ZNF326: variants seen among roughly 807,000 people sequenced by gnomAD.
ZNF326 encodes the protein zinc finger protein 326, also known as DBIRD complex subunit ZNF326.
A neutral mutation model predicts 63.1 loss-of-function variants in ZNF326; 30 were observed. The ratio of observed to expected loss-of-function variants is 0.48; its 90% CI spans 0.36 to 0.64. The LOEUF is 0.64. ZNF326 is among the 30% of genes least tolerant of loss of function. The pLI is 0.00. For synonymous variants in ZNF326, 194 were observed against 228.2 expected (o/e 0.85, Z 1.35); for missense variants, 609 against 720.3 (o/e 0.85, Z 1.77).
chr1:90,002,916 T>C (rs1433009879), intron 2 of ZNF326, among the ~76,000 whole-genome samples: 3 of 152,186 alleles, frequency 2.0e-5, no homozygotes, highest in Non-Finnish European at 2.9e-5. Context: ...TTTCCAAATA[T>C]TGATCAGTTT....
chr1:90,004,798 CT>C lies in ZNF326; in HGVS notation c.62-184del, dbSNP rs34878438. On this transcript the variant is annotated intron_variant, in intron 2 of 11. Transcript: ENST00000340281. ...TATGTTTTTCTTTGAAATATCAGGG[CT>C]TTTTTTTTTTTTTTTTTTTTAGCAA... is the stretch of plus-strand genomic sequence containing the variant. Among the ~76,000 whole-genome samples, 657 of 68,094 alleles carry C rather than the reference CT, an allele frequency of 9.6e-3. 7 individuals are homozygous for C. Among genetic ancestry groups the C allele is most frequent in the African/African-American group, 0.036 (609 of 16,924 alleles). The allele number at this position is 68,094 out of a possible 152,430, so 44.7% of individuals were successfully genotyped here.
intron 2 of ZNF326, among the ~76,000 whole-genome samples, chr1:90,003,532 G>T (rs921592515): frequency 6.6e-6 from 1 of 152,176 alleles, no homozygotes; most frequent in Non-Finnish European, 1.5e-5. Flanking sequence ...CAAGCACCAC[G>T]TGAGAGTTAC....
intron 1 of ZNF326, among the ~76,000 whole-genome samples, chr1:89,996,705 C>T (rs1648394119): frequency 6.6e-6 from 1 of 151,440 alleles, no homozygotes. Flanking sequence ...TGCCATTGCA[C>T]TCTAGCCTGG....
At chr1:90,011,095 A>C (rs991469940) in intron 6 of ZNF326, among the ~76,000 whole-genome samples, 1 of 152,154 alleles carries the variant, frequency 6.6e-6, no homozygotes. Context: ...AATATTGCAA[A>C]AGTTTGATAA....
At chr1:90,014,869 G>A (rs1041017920) in intron 7 of ZNF326, among the ~76,000 whole-genome samples, 29 of 152,076 alleles carry the variant, frequency 1.9e-4, no homozygotes, top group African/African-American at 6.5e-4. Context: ...GTCTTGGAGT[G>A]TAAAAATCAT....
In ZNF326 at chr1:90,013,125, G is replaced by T; in HGVS notation, c.815-1G>T. 6.2e-7 allele frequency: 1 copy of T among 1,606,810 alleles called. No individual in the cohort carries two copies. Among genetic ancestry groups the T allele is most frequent in the Non-Finnish European group, 8.5e-7 (1 of 1,177,844 alleles). ...TTTTACTTTTTTGTGTAATATCCTA[G>T]CAAAAACTGATCCTAAAAATGAAGA... On this transcript the variant is annotated splice_acceptor_variant, in intron 6 of 11. Transcript: ENST00000340281. LOFTEE classifies it high-confidence loss of function.
At chr1:90,009,013 G>A (rs1570302704) in intron 5 of ZNF326, among the ~76,000 whole-genome samples, 1 of 152,104 alleles carries the variant, frequency 6.6e-6, no homozygotes, top group Admixed American at 6.5e-5. Context: ...TAGGCTTTGG[G>A]TTTTGAATTG....
chr1:90,017,252 T>G lies in ZNF326; in HGVS notation c.927-65T>G, dbSNP rs552505786. 7 of 1,145,256 alleles carry G rather than the reference T, an allele frequency of 6.1e-6. No individual in the cohort carries two copies. In the South Asian group the frequency reaches 1.2e-4, roughly 19 times the overall value. The allele number at this position is 1,145,256 out of a possible 1,614,324, so 70.9% of individuals were successfully genotyped here. ...TGGTAAAATTAGTTTCAATGTTATA[T>G]TCTTATGAACTCTTTATAGTTGAAT... On this transcript the variant is annotated intron_variant, in intron 7 of 11. Coordinates refer to ENST00000340281, the MANE Select transcript of ZNF326 (RefSeq NM_182976.4).
intron 2 of ZNF326, among the ~76,000 whole-genome samples, chr1:90,001,295 G>T (rs1298238696): frequency 6.6e-6 from 1 of 152,246 alleles, no homozygotes; most frequent in East Asian, 1.9e-4. Flanking sequence ...GGAATAAGAG[G>T]AACCCATTGG....
At chr1:89,999,971 C>T (rs769380895) in intron 2 of ZNF326, among the ~76,000 whole-genome samples, 5 of 151,994 alleles carry the variant, frequency 3.3e-5, no homozygotes, top group African/African-American at 9.7e-5. Context: ...ATAATTTAGT[C>T]CACAGGGGAA....
At chr1:90,020,667 C>T in intron 9 of ZNF326, 125 bp from the exon 10 acceptor site, 2 of 851,754 alleles carry the variant, frequency 2.3e-6, no homozygotes, top group Admixed American at 5.3e-5. Context: ...CAGCATAAAC[C>T]TATGCACTCT....
chr1:90,024,875 C>G (rs905786481), intron 11 of ZNF326, among the ~76,000 whole-genome samples: 2 of 151,976 alleles, frequency 1.3e-5, no homozygotes, highest in Admixed American at 1.3e-4. Flanking sequence ...TTAGATATAT[C>G]TTTCCTTCAC....
chr1:90,000,261 G>A (rs947346464), intron 2 of ZNF326, among the ~76,000 whole-genome samples: 2 of 152,142 alleles, frequency 1.3e-5, no homozygotes, highest in African/African-American at 2.4e-5. Flanking sequence ...GTATTTTCTA[G>A]GAAGTGAAAT....
intron 7 of ZNF326, among the ~76,000 whole-genome samples, chr1:90,016,422 T>C (rs1489345273): frequency 2.6e-5 from 4 of 151,928 alleles, no homozygotes; most frequent in African/African-American, 9.7e-5. Flanking sequence ...TAATGTAAAA[T>C]AGAAACAGTT....
chr1:89,995,181 A>G lies in ZNF326; in HGVS notation c.-77A>G. The G allele has an allele frequency of 3.3e-6, 5 of 1,494,036 alleles. No individual in the cohort carries two copies. Among genetic ancestry groups the G allele is most frequent in the Non-Finnish European group, 4.5e-6 (5 of 1,116,450 alleles). The allele number at this position is 1,494,036 out of a possible 1,614,324, so 92.5% of individuals were successfully genotyped here. On this transcript the variant is annotated 5_prime_UTR_variant, in exon 1 of 12. Coordinates refer to ENST00000340281, the MANE Select transcript of ZNF326 (RefSeq NM_182976.4). ...CGGTCGCGCGGAGTGATCGTGTGGA[A>G]TCGCGGGTCGCGGACGCTCGCCGCC...
At chr1:90,021,719 T>C (rs1302941553) in intron 10 of ZNF326, among the ~76,000 whole-genome samples, 1 of 152,152 alleles carries the variant, frequency 6.6e-6, no homozygotes, top group African/African-American at 2.4e-5. Flanking sequence ...TGTATTGAAG[T>C]GAACCTCATT....
chr1:90,006,887 C>A (rs1649017873), intron 4 of ZNF326, among the ~76,000 whole-genome samples: 1 of 152,158 alleles, frequency 6.6e-6, no homozygotes, highest in African/African-American at 2.4e-5. Flanking sequence ...CTCTGTGTCA[C>A]AAATAACCTA....
At chr1:90,024,778 G>A (rs948715260) in intron 11 of ZNF326, among the ~76,000 whole-genome samples, 4 of 152,010 alleles carry the variant, frequency 2.6e-5, no homozygotes, top group Admixed American at 2.6e-4. Context: ...ACCACACTCA[G>A]CCACTTCCCA....
chr1:90,012,041 G>T (rs1046228629), intron 6 of ZNF326, among the ~76,000 whole-genome samples: 3 of 152,020 alleles, frequency 2.0e-5, no homozygotes, highest in African/African-American at 7.2e-5. Context: ...CGCCATGTTG[G>T]CCAGGCTGTC....
Sources: allele counts gnomAD v4.1 joint callset (sites outside exome capture counted in the v4.1 genomes callset), GRCh38; gene constraint gnomAD v4.1.1; transcripts MANE v1.5; gene names NCBI Gene and HGNC (gene_info 2026-07-23, HGNC 2026-07-21).